ABR: variants seen among roughly 807,000 people sequenced by gnomAD.
ABR encodes ABR activator of RhoGEF and GTPase.
In ABR, 35 loss-of-function variants were observed where a neutral mutation model predicts 107.2. The ratio of observed to expected loss-of-function variants is 0.33; its 90% CI spans 0.25 to 0.43. The LOEUF is 0.43. Ranked by LOEUF, ABR falls within the 20% of genes least tolerant of loss-of-function variation. The pLI is 1.00. For missense variants in ABR, 815 were observed against 1,115.2 expected, an observed-to-expected ratio of 0.73 and a Z score of 3.83; for synonymous variants, 498 against 462.0, an observed-to-expected ratio of 1.08 and a Z score of -1.00.
rs530075001 is a variant in ABR at position 1,148,647 on chromosome 17, C to T, written c.62-23280G>A. The stretch of plus-strand genomic sequence containing the variant: ...TGAGCCCTGTCGTGATCTGCGCGTG[C>T]GAGGGATCGCAGTTCCATCCCGAAA... On this transcript the variant is annotated intron_variant, in intron 1 of 22. Transcript: ENST00000302538. This position sits in a 1 kb window ranked among gnomAD's most constrained non-coding sequence, Gnocchi z 4.9. Among the ~76,000 whole-genome samples the T allele has an allele frequency of 7.9e-5, 12 of 152,210 alleles. No individual in the cohort carries two copies. The highest frequency in any genetic ancestry group is 1.2e-4 in the African/African-American group (5 of 41,444).
chr17:1,122,014 C>T lies in ABR; in HGVS notation c.246+3169G>A, dbSNP rs373092161. 3.3e-5 allele frequency among the ~76,000 whole-genome samples: 5 copies of T among 152,236 alleles called. 1 individual carries two copies. Among genetic ancestry groups the T allele is most frequent in the African/African-American group, 2.4e-5 (1 of 41,548 alleles). On this transcript the variant is annotated intron_variant, in intron 2 of 22. Transcript: ENST00000302538. ...ACCTCCCAGGTTCAAGTGATTCTCC[C>T]GCCTCAGCCTCCTGAGTAGCTGGGA...
intron 2 of ABR, among the ~76,000 whole-genome samples, chr17:1,102,563 T>A (rs1163420259): frequency 6.6e-6 from 1 of 152,204 alleles, no homozygotes; most frequent in Non-Finnish European, 1.5e-5. Flanking sequence ...AAGAAAAATA[T>A]ATAATGTTTT....
intron 14 of ABR, among the ~76,000 whole-genome samples, chr17:1,053,343 G>A (rs1244465665): frequency 1.0e-5 from 1 of 100,040 alleles, no homozygotes; most frequent in Admixed American, 9.9e-5. Context: ...GGTTCGAGAA[G>A]GGGCTGGGGG....
rs150344162 is a variant in ABR at position 1,058,161 on chromosome 17, C to G, written c.1306-116G>C. The G allele has an allele frequency of 7.0e-3, 3,128 of 447,844 alleles. 101 individuals carry two copies. In the African/African-American group the frequency reaches 0.079, roughly 11 times the overall value. The allele number at this position is 447,844 out of a possible 1,614,324, so 27.7% of individuals were successfully genotyped here. ...CTTTTTTTTTTTTTTTTTTTTGAGA[C>G]AGAGTCTCGCTCTTGTTGCCCAGGC... On this transcript the variant is annotated intron_variant, in intron 11 of 22. Transcript: ENST00000302538.
At chr17:1,104,386 G>A (rs1474130244) in intron 2 of ABR, among the ~76,000 whole-genome samples, 7 of 152,178 alleles carry the variant, frequency 4.6e-5, no homozygotes, top group Non-Finnish European at 1.0e-4. Flanking sequence ...TCTGGTTCCA[G>A]GCCAAGCAAA....
At chr17:1,073,513 C>T in intron 7 of ABR, 112 bp downstream of exon 7, 3 of 861,138 alleles carry the variant, frequency 3.5e-6, no homozygotes, top group Non-Finnish European at 4.8e-6. Context: ...GCCTAGGAAC[C>T]CCTGATTCCC....
intron 16 of ABR, among the ~76,000 whole-genome samples, chr17:1,044,126 A>T (rs1486800032): frequency 6.6e-6 from 1 of 152,098 alleles, no homozygotes; most frequent in East Asian, 1.9e-4. Context: ...ATAGAGTAGG[A>T]TAAACACAGT....
At chr17:1,031,756 G>C (rs924997514) in intron 16 of ABR, 1 of 1,235,502 alleles carries the variant, frequency 8.1e-7, no homozygotes, top group South Asian at 3.7e-5. Context: ...GGGGGGACGG[G>C]ACGCGGCGCT....
At chr17:1,202,666 A>T (rs1395186380) in intron 1 of ABR, among the ~76,000 whole-genome samples, 4 of 152,062 alleles carry the variant, frequency 2.6e-5, no homozygotes, top group Non-Finnish European at 5.9e-5. Flanking sequence ...TAGGAAAGGG[A>T]AGGTGATCCA....
chr17:1,153,621 T>C (rs1392051899), intron 1 of ABR, among the ~76,000 whole-genome samples: 16 of 67,436 alleles, frequency 2.4e-4, no homozygotes, highest in South Asian at 1.3e-3. Context: ...GGGCTGGGGG[T>C]CCAGGCACAC....
intron 2 of ABR, among the ~76,000 whole-genome samples, chr17:1,114,762 G>A (rs1567782608): frequency 6.6e-6 from 1 of 151,642 alleles, no homozygotes; most frequent in African/African-American, 2.4e-5. Context: ...GACAGAGAGA[G>A]ACTCCGTCTC....
intron 1 of ABR, among the ~76,000 whole-genome samples, chr17:1,159,603 T>G (rs62069456): frequency 0.072 from 756 of 10,446 alleles, 46 homozygotes; most frequent in African/African-American, 0.13. Flanking sequence ...CTCACACACA[T>G]GAGAAGTAAG....
chr17:1,110,618 C>G (rs374874169), intron 2 of ABR, among the ~76,000 whole-genome samples: 1 of 152,210 alleles, frequency 6.6e-6, no homozygotes, highest in Non-Finnish European at 1.5e-5. Context: ...GCCCCCCACT[C>G]CCCCCAGAAT....
chr17:1,101,293 T>C (rs879119781), intron 2 of ABR: 2 of 152,620 alleles, frequency 1.3e-5, no homozygotes, highest in Admixed American at 1.3e-4. Flanking sequence ...CCCTTTCCTT[T>C]TATTTTAAGC....
intron 14 of ABR, among the ~76,000 whole-genome samples, chr17:1,052,388 G>A (rs2032677980): frequency 1.4e-5 from 2 of 143,006 alleles, no homozygotes; most frequent in Non-Finnish European, 1.5e-5. Flanking sequence ...GCTGGGGGAG[G>A]GCTCACAGGG....
At chr17:1,083,325 T>TA (rs544696352) in intron 5 of ABR, 195 bp downstream of exon 5, 21 of 215,184 alleles carry the variant, frequency 9.8e-5, no homozygotes, top group Admixed American at 2.0e-4. Flanking sequence ...AAGAGAATAA[T>TA]AAAAAAATAA....
At chr17:1,046,596 G>A (rs148389543) in intron 16 of ABR, among the ~76,000 whole-genome samples, 1,942 of 152,276 alleles carry the variant, frequency 0.013, 36 homozygotes, top group African/African-American at 0.044. Context: ...CCTGCCCAGA[G>A]GACTCCAAGA....
At chr17:1,112,019 C>G (rs1299293785) in intron 2 of ABR, among the ~76,000 whole-genome samples, 1 of 152,218 alleles carries the variant, frequency 6.6e-6, no homozygotes, top group Admixed American at 6.5e-5. Flanking sequence ...CCTCAACCCC[C>G]ACATCCCTTT....
At position 1,014,186 on chromosome 17, in the gene ABR, A is replaced by C. The variant is rs879121572; in HGVS notation, c.1792-1022T>G. The stretch of plus-strand genomic sequence containing the variant: ...GCCAGGCGTGGCGGCTCACGCCTGT[A>C]ATCCCAGCACTTTGAGAGGCCAAGG... On this transcript the variant is annotated intron_variant, in intron 16 of 22. Coordinates refer to ENST00000302538, the MANE Select transcript of ABR (RefSeq NM_021962.5). 2.0e-5 allele frequency among the ~76,000 whole-genome samples: 3 copies of C among 152,192 alleles called. 1 individual carries two copies. In the South Asian group the frequency reaches 6.2e-4, roughly 32 times the overall value.
Sources: gnomAD v4.1 joint callset for allele counts (sites outside exome capture counted in the v4.1 genomes callset) on GRCh38, gnomAD v4.1.1 for gene constraint, Gnocchi (gnomAD v3.1) non-coding constraint, MANE v1.5 for transcripts, NCBI Gene and HGNC (gene_info 2026-07-23, HGNC 2026-07-21) for gene names.